Variants in TBC1D2 observed in about 807,000 individuals in gnomAD.
TBC1D2 encodes TBC1 domain family member 2A.
In TBC1D2, 58 loss-of-function variants were observed where a neutral mutation model predicts 91.1. The ratio of observed to expected loss-of-function variants is 0.64; its 90% CI spans 0.52 to 0.79. The LOEUF is 0.79. Ranked by LOEUF, TBC1D2 falls within the 30% of genes least tolerant of loss-of-function variation. The probability of loss-of-function intolerance (pLI) is 0.00; values close to 1 mark genes in which losing one functional copy is unlikely to be tolerated. For missense variants in TBC1D2, 1,080 were observed against 1,208.3 expected (o/e 0.89, Z 1.57); for synonymous variants, 482 against 511.5 (o/e 0.94, Z 0.78).
chr9:98,235,224 A>G, intron 3 of TBC1D2: 1 of 302,478 alleles, frequency 3.3e-6, no homozygotes, highest in Non-Finnish European at 6.6e-6. Context: ...AAGATCTGGG[A>G]CATAGGAGGA....
intron 9 of TBC1D2, among the ~76,000 whole-genome samples, chr9:98,206,904 C>T (rs1010278427): frequency 1.3e-5 from 2 of 152,242 alleles, no homozygotes; most frequent in Non-Finnish European, 2.9e-5. Flanking sequence ...ATTATTCATT[C>T]TGATCTCATA....
chr9:98,216,699 T>C (rs932021454), intron 6 of TBC1D2, among the ~76,000 whole-genome samples: 5 of 152,134 alleles, frequency 3.3e-5, no homozygotes, highest in Admixed American at 6.5e-5. Flanking sequence ...TATTTATTTA[T>C]TTTTCTTTCT....
Position 98,199,042 on chromosome 9 carries a change from C to T in TBC1D2, c.*339G>A. 1 of 410,998 alleles carries T rather than the reference C, an allele frequency of 2.4e-6. No individual in the cohort carries two copies. Among genetic ancestry groups the T allele is most frequent in the East Asian group, 4.7e-5 (1 of 21,394 alleles). 25.5% of individuals were successfully genotyped at this position (410,998 alleles called of 1,614,324 possible). ...TTCCAAAGCTTATGAATGATTTCCA[C>T]CATTTACATTGTTTTATATTGATAT... is the stretch of plus-strand genomic sequence containing the variant. On this transcript the variant is annotated 3_prime_UTR_variant, in exon 13 of 13. Coordinates refer to ENST00000465784, the MANE Select transcript of TBC1D2 (RefSeq NM_001267571.2).
At position 98,228,851 on chromosome 9, in the gene TBC1D2, G is replaced by C; in HGVS notation, c.978+101C>G. On this transcript the variant is annotated intron_variant, in intron 5 of 12. Transcript: ENST00000465784. The surrounding 1 kb of genome is among the most constrained non-coding windows in gnomAD (Gnocchi z 4.0). ...GCCTTTAAAGACCAGAGAGTAGCTG[G>C]TGCCCAGCACGGCTAATGCGTCCCA... 8.6e-7 allele frequency: 1 copy of C among 1,158,440 alleles called. No homozygotes were observed. The highest frequency in any genetic ancestry group is 1.5e-5 in the South Asian group (1 of 65,684). 71.8% of individuals were successfully genotyped at this position (1,158,440 alleles called of 1,614,324 possible).
intron 3 of TBC1D2, chr9:98,235,343 C>A: frequency 2.3e-6 from 1 of 426,412 alleles, no homozygotes; most frequent in Non-Finnish European, 4.7e-6. Context: ...GAGAAATGAG[C>A]TACGTAATCT....
intron 6 of TBC1D2, among the ~76,000 whole-genome samples, chr9:98,220,019 C>G (rs1018843264): frequency 2.0e-5 from 3 of 152,126 alleles, no homozygotes; most frequent in Non-Finnish European, 2.9e-5. Context: ...GTTCCTACCT[C>G]CTGTGACATC....
chr9:98,230,812 C>T (rs1469499543), intron 4 of TBC1D2, among the ~76,000 whole-genome samples: 1 of 152,110 alleles, frequency 6.6e-6, no homozygotes, highest in East Asian at 1.9e-4. Flanking sequence ...ACCCGGGAGG[C>T]AGAGGTTGTA....
intron 4 of TBC1D2, among the ~76,000 whole-genome samples, chr9:98,231,374 G>A (rs1157833217): frequency 3.0e-5 from 4 of 133,254 alleles, no homozygotes; most frequent in Non-Finnish European, 6.2e-5. Flanking sequence ...AAACTCATTT[G>A]TACATATTAG....
chr9:98,242,907 G>C (rs1157835562), intron 3 of TBC1D2, among the ~76,000 whole-genome samples: 1 of 146,272 alleles, frequency 6.8e-6, no homozygotes, highest in East Asian at 2.0e-4. Context: ...TGACTTCCTG[G>C]GCTTGGGATT....
chr9:98,226,849 C>A (rs1254363390), intron 5 of TBC1D2, among the ~76,000 whole-genome samples: 1 of 152,162 alleles, frequency 6.6e-6, no homozygotes, highest in South Asian at 2.1e-4. Flanking sequence ...CCTGGTCAAC[C>A]CTTATTAATC....
rs986536678 is a variant in TBC1D2, at chr9:98,215,530, G to A, written c.1375-2312C>T. 7.2e-5 allele frequency among the ~76,000 whole-genome samples: 11 copies of A among 152,152 alleles called. 1 individual carries two copies. Among genetic ancestry groups the A allele is most frequent in the Admixed American group, 7.2e-4 (11 of 15,274 alleles). Reference sequence around the variant, plus strand: ...CAGGTCTGTCTGATTCTTTTTGTTTGTTTGTCTTGCTCTGTCGCCCAAGCT... The same window carrying A: ...CAGGTCTGTCTGATTCTTTTTGTTTATTTGTCTTGCTCTGTCGCCCAAGCT... On this transcript the variant is annotated intron_variant, in intron 6 of 12. Transcript: ENST00000465784.
intron 2 of TBC1D2, 38 bp downstream of exon 2, chr9:98,251,747 C>A: frequency 6.5e-7 from 1 of 1,535,450 alleles, no homozygotes; most frequent in Middle Eastern, 1.7e-4. Flanking sequence ...ATCACCAGAG[C>A]CCTGGGTGTG....
chr9:98,226,307 T>C (rs1302535542), intron 5 of TBC1D2, among the ~76,000 whole-genome samples: 1 of 152,174 alleles, frequency 6.6e-6, no homozygotes, highest in Non-Finnish European at 1.5e-5. Flanking sequence ...ACTTCCCGCC[T>C]CGTCTCTGAG....
chr9:98,246,115 A>G (rs1829758545), intron 2 of TBC1D2, among the ~76,000 whole-genome samples: 1 of 152,172 alleles, frequency 6.6e-6, no homozygotes, highest in African/African-American at 2.4e-5. Flanking sequence ...TTAGAAATTA[A>G]CTTTGAGTGT....
chr9:98,237,451 G>A (rs1277838948), intron 3 of TBC1D2, among the ~76,000 whole-genome samples: 2 of 151,874 alleles, frequency 1.3e-5, no homozygotes, highest in Non-Finnish European at 2.9e-5. Flanking sequence ...CCACTGTCTG[G>A]ATTACTATAG....
intron 6 of TBC1D2, among the ~76,000 whole-genome samples, chr9:98,218,653 C>A (rs992462820): frequency 7.2e-5 from 11 of 152,220 alleles, no homozygotes; most frequent in East Asian, 1.9e-4. Flanking sequence ...TGATTACAAT[C>A]AACTCTCAGG....
chr9:98,201,395 C>T, intron 11 of TBC1D2, 84 bp downstream of exon 11: 1 of 1,299,186 alleles, frequency 7.7e-7, no homozygotes, highest in Non-Finnish European at 1.1e-6. Context: ...ATTGTCTTCC[C>T]ATTCTCCAGG....
chr9:98,233,627 T>G, intron 3 of TBC1D2, 78 bp from the exon 4 acceptor site: 2 of 1,568,928 alleles, frequency 1.3e-6, no homozygotes, highest in Non-Finnish European at 1.7e-6. Context: ...CCACCACTGC[T>G]GGAGCTCAGG....
rs758467722 is a variant in TBC1D2 at position 98,251,850 on chromosome 9, G to A, written c.446C>T (p.Pro149Leu). 12 of 1,605,328 alleles carry A rather than the reference G, an allele frequency of 7.5e-6. No individual in the cohort carries two copies. In the Admixed American group the frequency reaches 8.6e-5, roughly 11 times the overall value. ...MKRWEFHNSP[P>L]APPATPDAAL... is the part of the protein sequence containing the mutation. Reference sequence around the variant, plus strand: ...GGCATCAGGGGTGGCAGGAGGTGCCGGCGGGCTGTTGTGGAATTCCCAGCG... The same window carrying A: ...GGCATCAGGGGTGGCAGGAGGTGCCAGCGGGCTGTTGTGGAATTCCCAGCG... Residue 149 changes from proline (P) to leucine (L), a missense_variant, in exon 2 of 13, where the codon CCG (proline) becomes CTG (leucine). Pro to Leu is a moderately conservative substitution (Grantham distance 98, BLOSUM62 -3). Transcript: ENST00000465784.
Sources: gnomAD v4.1 joint callset for allele counts (sites outside exome capture counted in the v4.1 genomes callset) on GRCh38, gnomAD v4.1.1 for gene constraint, Gnocchi (gnomAD v3.1) non-coding constraint, MANE v1.5 for transcripts, NCBI Gene and HGNC (gene_info 2026-07-23, HGNC 2026-07-21) for gene names.